The following NUP153 variants were observed in gnomAD, a reference collection of about 807,000 sequenced individuals.
The protein encoded by NUP153 is nuclear pore complex protein Nup153.
A neutral mutation model predicts 134.6 loss-of-function variants in NUP153; 27 were observed. That is an observed-to-expected ratio of 0.20 (90% CI 0.15 to 0.28). The LOEUF (loss-of-function observed/expected upper bound fraction) is 0.28. NUP153 is among the 10% of genes least tolerant of loss of function. NUP153 has a pLI of 1.00. For missense variants in NUP153, 1,821 were observed against 1,731.3 expected, an observed-to-expected ratio of 1.05 and a Z score of -0.92; for synonymous variants, 640 against 623.5, an observed-to-expected ratio of 1.03 and a Z score of -0.40.
chr6:17,681,980 G>C (rs768222533), intron 2 of NUP153, among the ~76,000 whole-genome samples: 1 of 152,084 alleles, frequency 6.6e-6, no homozygotes, highest in African/African-American at 2.4e-5. Context: ...GGCTGAGGCA[G>C]GAGGATCACT....
At chr6:17,647,979 A>C in intron 12 of NUP153, 74 bp from the exon 13 acceptor site, 2 of 889,768 alleles carry the variant, frequency 2.2e-6, no homozygotes, top group Non-Finnish European at 3.7e-6. Context: ...AAAGACATTA[A>C]GCAAACTGAT....
intron 2 of NUP153, among the ~76,000 whole-genome samples, chr6:17,685,843 C>G (rs1768890725): frequency 6.6e-6 from 1 of 151,702 alleles, no homozygotes; most frequent in African/African-American, 2.4e-5. Flanking sequence ...ACTCCTTCCA[C>G]TTACATTAAA....
chr6:17,648,774 G>A (rs1766348628), intron 12 of NUP153, among the ~76,000 whole-genome samples: 1 of 150,542 alleles, frequency 6.6e-6, no homozygotes, highest in Non-Finnish European at 1.5e-5. Context: ...CTGCTCTCTA[G>A]CCTCGGCAAT....
In NUP153 at chr6:17,626,079, GCCA is replaced by G; in HGVS notation, c.3627_3629del (p.Gly1210del). 6.2e-7 allele frequency: 1 copy of G among 1,613,954 alleles called. No individual in the cohort carries two copies. The highest frequency in any genetic ancestry group is 1.1e-5 in the South Asian group (1 of 91,068). On this transcript the variant is annotated inframe_deletion, in exon 19 of 22. Transcript: ENST00000262077. ...AGGAAGAGGTGGAACTACCAAATATGCCACCACCAGCAGAAGTGGCTGGTGTAC... is the reference window on the plus strand; with the variant it reads ...AGGAAGAGGTGGAACTACCAAATATGCCACCAGCAGAAGTGGCTGGTGTAC...
At chr6:17,645,623 C>G (rs907373114) in intron 14 of NUP153, among the ~76,000 whole-genome samples, 1 of 151,986 alleles carries the variant, frequency 6.6e-6, no homozygotes, top group Non-Finnish European at 1.5e-5. Flanking sequence ...CTGATTTCTT[C>G]GGTTCAGAAA....
chr6:17,689,416 CA>C (rs76665434), intron 1 of NUP153, among the ~76,000 whole-genome samples: 6,234 of 149,680 alleles, frequency 0.042, 397 homozygotes, highest in East Asian at 0.29. Context: ...AATAAACAAA[CA>C]AAAAAAAACA....
chr6:17,693,894 G>A (rs750201827), intron 1 of NUP153, among the ~76,000 whole-genome samples: 8 of 152,120 alleles, frequency 5.3e-5, no homozygotes, highest in Non-Finnish European at 8.8e-5. Flanking sequence ...CACCACCACC[G>A]CGCCTGGCCT....
chr6:17,668,585 T>G (rs1767692742), intron 8 of NUP153, among the ~76,000 whole-genome samples: 1 of 151,974 alleles, frequency 6.6e-6, no homozygotes. Flanking sequence ...GGCTCACACC[T>G]TAGTCCCGGC....
Position 17,626,046 on chromosome 6 carries a change from T to C in NUP153, c.3663A>G (p.Pro1221=), listed in dbSNP as rs755869277. 1.9e-6 allele frequency: 3 copies of C among 1,613,918 alleles called. No homozygotes were observed. The African/African-American group carries it at 4.0e-5, about 22-fold the overall frequency. The change falls in exon 19 of 22, where the codon CCA becomes CCG. Residue 1221 remains proline (P), a synonymous_variant. Coordinates refer to ENST00000262077, the MANE Select transcript of NUP153 (RefSeq NM_005124.4). The stretch of plus-strand genomic sequence containing the variant: ...GTCCAAACACAAAGGTAGCCACAGG[T>C]GGATTGGAGGAAGAGGTGGAACTAC... ...IFGSSTSSSN[P]PVATFVFGQS...
chr6:17,675,134 C>G lies in NUP153; in HGVS notation c.723+95G>C, dbSNP rs1188679724. ...CTGCTACACACTCAAGCCTGGGCAA[C>G]AGCAAAAGACTCTTGTCTCAGAAAA... On this transcript the variant is annotated intron_variant, in intron 4 of 21. Coordinates refer to ENST00000262077, the MANE Select transcript of NUP153 (RefSeq NM_005124.4). This position sits in a 1 kb window ranked among gnomAD's most constrained non-coding sequence, Gnocchi z 4.4. 1.7e-5 allele frequency: 25 copies of G among 1,506,642 alleles called. No homozygotes were observed. Among genetic ancestry groups the G allele is most frequent in the Non-Finnish European group, 2.2e-5 (24 of 1,110,014 alleles). The allele number at this position is 1,506,642 out of a possible 1,614,324, so 93.3% of individuals were successfully genotyped here.
At chr6:17,665,911 ACTCCTGGGCTCAAG>A (rs769787776) in intron 8 of NUP153, among the ~76,000 whole-genome samples, 1 of 150,432 alleles carries the variant, frequency 6.6e-6, no homozygotes, top group Non-Finnish European at 1.5e-5. Context: ...CTGGTCTCAA[ACTCCTGGGCTCAAG>A]CAATCTGCCT....
chr6:17,624,471 T>C, intron 20 of NUP153, 90 bp downstream of exon 20: 1 of 1,233,766 alleles, frequency 8.1e-7, no homozygotes, highest in Non-Finnish European at 1.1e-6. Context: ...ATTTTAAAAT[T>C]AGACATATGA....
chr6:17,635,399 G>T lies in NUP153; in HGVS notation c.2464+1754C>A, dbSNP rs59205125. Among the ~76,000 whole-genome samples, 19 of 151,706 alleles carry T rather than the reference G, an allele frequency of 1.3e-4. No individual in the cohort carries two copies. In the East Asian group the frequency reaches 3.7e-3, roughly 30 times the overall value. On this transcript the variant is annotated intron_variant, in intron 16 of 21. Transcript: ENST00000262077. ...GCTGGGATTACAGGTGTAAGCCACC[G>T]CACCCGGCCTATCATTATTTGAGAC...
intron 9 of NUP153, among the ~76,000 whole-genome samples, chr6:17,663,413 A>G (rs1271028340): frequency 6.6e-6 from 1 of 151,970 alleles, no homozygotes; most frequent in African/African-American, 2.4e-5. Context: ...ACAGACACGC[A>G]CCACCACATC....
chr6:17,635,703 G>A (rs1399573859), intron 16 of NUP153, among the ~76,000 whole-genome samples: 1 of 152,130 alleles, frequency 6.6e-6, no homozygotes, highest in Non-Finnish European at 1.5e-5. Context: ...CTGGCCTATT[G>A]CCTATATGAT....
At chr6:17,618,267 G>C (rs913631173) in intron 20 of NUP153, among the ~76,000 whole-genome samples, 4 of 152,170 alleles carry the variant, frequency 2.6e-5, no homozygotes, top group African/African-American at 9.7e-5. Flanking sequence ...GATTTAAGTG[G>C]TATTTACGTG....
intron 1 of NUP153, among the ~76,000 whole-genome samples, chr6:17,695,151 C>T (rs1769557380): frequency 6.6e-6 from 1 of 152,046 alleles, no homozygotes; most frequent in Non-Finnish European, 1.5e-5. Flanking sequence ...CACAAAATTC[C>T]CTTTAAATTG....
Position 17,625,101 on chromosome 6 carries a change from CAT to C in NUP153, c.3902-270_3902-269del, listed in dbSNP as rs1764861344. Among the ~76,000 whole-genome samples, 1 of 152,288 alleles carries C rather than the reference CAT, an allele frequency of 6.6e-6. No homozygotes were observed. Among genetic ancestry groups the C allele is most frequent in the Non-Finnish European group, 1.5e-5 (1 of 68,016 alleles). On this transcript the variant is annotated intron_variant, in intron 19 of 21. Transcript: ENST00000262077. The surrounding 1 kb of genome is among the most constrained non-coding windows in gnomAD (Gnocchi z 4.7). ...CAGCCGACAATTTCTGGTAAAGGAACATATCTCAGAATAATCTCCCACCAGAA... is the reference window on the plus strand; with the variant it reads ...CAGCCGACAATTTCTGGTAAAGGAACATCTCAGAATAATCTCCCACCAGAA...
intron 11 of NUP153, among the ~76,000 whole-genome samples, chr6:17,653,255 A>G (rs1766608600): frequency 6.6e-6 from 1 of 152,246 alleles, no homozygotes; most frequent in South Asian, 2.1e-4. Context: ...TCCATCTCAA[A>G]AAAAGAACTG....
Sources: allele counts gnomAD v4.1 joint callset (sites outside exome capture counted in the v4.1 genomes callset), GRCh38; gene constraint gnomAD v4.1.1; non-coding constraint Gnocchi (gnomAD v3.1); transcripts MANE v1.5; gene names NCBI Gene and HGNC (gene_info 2026-07-23, HGNC 2026-07-21).